The following JAZF1 variants were observed in gnomAD, a reference collection of about 807,000 sequenced individuals.
JAZF1 encodes the protein juxtaposed with another zinc finger protein 1.
Under a neutral mutation model 26.4 loss-of-function variants are expected in JAZF1, and 8 were observed. That is an observed-to-expected ratio of 0.30 (90% CI 0.18 to 0.55). JAZF1 has a LOEUF of 0.55. JAZF1 is among the 20% of genes least tolerant of loss of function. The pLI is 0.94. For synonymous variants in JAZF1, 126 were observed against 122.3 expected, an observed-to-expected ratio of 1.03 and a Z score of -0.20; for missense variants, 199 against 322.0, an observed-to-expected ratio of 0.62 and a Z score of 2.92.
intron 2 of JAZF1, among the ~76,000 whole-genome samples, chr7:27,979,816 G>A (rs1222701708): frequency 6.6e-6 from 1 of 152,054 alleles, no homozygotes; most frequent in Non-Finnish European, 1.5e-5. Flanking sequence ...ATCGATTGGA[G>A]ATGCTAAGGT....
chr7:27,891,896 A>G (rs1783981646), intron 3 of JAZF1, among the ~76,000 whole-genome samples: 2 of 152,234 alleles, frequency 1.3e-5, no homozygotes, highest in Admixed American at 1.3e-4. Flanking sequence ...ATACCTAAGA[A>G]ATACTCGAAA....
chr7:27,941,941 G>A (rs1457144622), intron 2 of JAZF1, among the ~76,000 whole-genome samples: 1 of 152,166 alleles, frequency 6.6e-6, no homozygotes, highest in Non-Finnish European at 1.5e-5. Flanking sequence ...CAGTTTTTCC[G>A]GGAATCTGGA....
chr7:28,046,713 A>G (rs937517030), intron 1 of JAZF1, among the ~76,000 whole-genome samples: 4 of 152,166 alleles, frequency 2.6e-5, no homozygotes, highest in Non-Finnish European at 2.9e-5. Context: ...TGATTTCAAT[A>G]TTTGTTTTCC....
chr7:27,904,005 A>G (rs1267047251), intron 2 of JAZF1, among the ~76,000 whole-genome samples: 2 of 152,210 alleles, frequency 1.3e-5, no homozygotes, highest in African/African-American at 4.8e-5. Flanking sequence ...AAATCTGGTA[A>G]TTCATTGCTC....
At chr7:27,899,678 T>C (rs1259716704) in intron 2 of JAZF1, among the ~76,000 whole-genome samples, 1 of 152,030 alleles carries the variant, frequency 6.6e-6, no homozygotes, top group Non-Finnish European at 1.5e-5. Context: ...CAAGCAATCC[T>C]CCCACCCAAA....
chr7:27,961,622 G>T (rs1785185983), intron 2 of JAZF1, among the ~76,000 whole-genome samples: 1 of 152,180 alleles, frequency 6.6e-6, no homozygotes, highest in African/African-American at 2.4e-5. Flanking sequence ...GAGGTGGCAG[G>T]AAAGAAGGAA....
At chr7:27,954,988 C>A (rs1393040678) in intron 2 of JAZF1, among the ~76,000 whole-genome samples, 1 of 152,140 alleles carries the variant, frequency 6.6e-6, no homozygotes. Flanking sequence ...GTACTCCCGA[C>A]CTCAGGCGAT....
intron 1 of JAZF1, among the ~76,000 whole-genome samples, chr7:27,996,367 G>A (rs1279345373): frequency 1.3e-5 from 2 of 152,286 alleles, no homozygotes; most frequent in Admixed American, 6.5e-5. Context: ...GTTCAAATTC[G>A]ATATCCTCCA....
At chr7:28,012,242 G>A (rs781354483) in intron 1 of JAZF1, among the ~76,000 whole-genome samples, 1 of 152,066 alleles carries the variant, frequency 6.6e-6, no homozygotes, top group Non-Finnish European at 1.5e-5. Flanking sequence ...TCTTCATTCT[G>A]AACCATCAAC....
chr7:27,908,266 T>C (rs1488660054), intron 2 of JAZF1, among the ~76,000 whole-genome samples: 1 of 152,054 alleles, frequency 6.6e-6, no homozygotes, highest in Non-Finnish European at 1.5e-5. Flanking sequence ...CAAATTAGCA[T>C]TGTTGAAAGA....
Position 27,838,081 on chromosome 7 carries a change from T to G in JAZF1, c.555+2617A>C, listed in dbSNP as rs139383099. ...ACTCAAAGCCCTTTTCCTTTGTTAC[T>G]TCTCTAAAAATGTACTTAACTGTTC... is the stretch of plus-strand genomic sequence containing the variant. On this transcript the variant is annotated intron_variant, in intron 4 of 4. Transcript: ENST00000283928. Among the ~76,000 whole-genome samples the G allele has an allele frequency of 3.9e-3, 596 of 152,092 alleles. 3 individuals carry two copies. Among genetic ancestry groups the G allele is most frequent in the African/African-American group, 0.013 (536 of 41,470 alleles).
intron 2 of JAZF1, among the ~76,000 whole-genome samples, chr7:27,967,695 T>C (rs1785302230): frequency 6.6e-6 from 1 of 152,228 alleles, no homozygotes. Context: ...GCTATTTCTT[T>C]CCATTTTTGT....
chr7:27,984,120 T>C (rs1427386628), intron 2 of JAZF1, among the ~76,000 whole-genome samples: 1 of 152,186 alleles, frequency 6.6e-6, no homozygotes, highest in Non-Finnish European at 1.5e-5. Context: ...TAAATGTAAA[T>C]GGGCTAAATG....
chr7:28,066,255 A>G (rs1200482800), intron 1 of JAZF1, among the ~76,000 whole-genome samples: 2 of 152,146 alleles, frequency 1.3e-5, no homozygotes, highest in African/African-American at 4.8e-5. Flanking sequence ...TTGTTAAAAG[A>G]ACACTGGAAA....
intron 1 of JAZF1, among the ~76,000 whole-genome samples, chr7:28,068,434 T>C (rs1424391282): frequency 2.6e-5 from 4 of 152,182 alleles, no homozygotes; most frequent in Non-Finnish European, 5.9e-5. Flanking sequence ...TCGTATCAAT[T>C]ATACCATTCA....
At chr7:27,846,075 A>G (rs1347383182) in intron 3 of JAZF1, among the ~76,000 whole-genome samples, 2 of 152,080 alleles carry the variant, frequency 1.3e-5, no homozygotes, top group Admixed American at 6.5e-5. Context: ...AGCTTTGTTC[A>G]TCCTACGTAC....
At chr7:28,007,808 G>A (rs1029733477) in intron 1 of JAZF1, among the ~76,000 whole-genome samples, 1 of 152,150 alleles carries the variant, frequency 6.6e-6, no homozygotes, top group Non-Finnish European at 1.5e-5. Flanking sequence ...GCAAAATGGA[G>A]AGGAAGGTAC....
Position 27,991,936 on chromosome 7 carries a change from G to A in JAZF1, c.161C>T (p.Thr54Ile), listed in dbSNP as rs759648704. 1.2e-6 allele frequency: 2 copies of A among 1,605,482 alleles called. No homozygotes were observed. Among genetic ancestry groups the A allele is most frequent in the Non-Finnish European group, 1.7e-6 (2 of 1,173,280 alleles). ...ATTTATGTAACTCAGGGCAACATAGGTTGGCTGCTGTAATTCTTGTTTTTC... is the reference window on the plus strand; with the variant it reads ...ATTTATGTAACTCAGGGCAACATAGATTGGCTGCTGTAATTCTTGTTTTTC... Reference protein sequence around the residue: ...VLEKQELQQPTYVALSYINRF... With the variant: ...VLEKQELQQPIYVALSYINRF... The change falls in exon 2 of 5, where the codon ACC becomes ATC. Residue 54 changes from threonine (T) to isoleucine (I), a missense_variant. Transcript: ENST00000283928.
chr7:27,918,123 C>T (rs142760876), intron 2 of JAZF1, among the ~76,000 whole-genome samples: 14 of 152,136 alleles, frequency 9.2e-5, no homozygotes, highest in African/African-American at 2.4e-4. Flanking sequence ...ATGGTGGACA[C>T]GCAGAGTAAG....
Sources: gnomAD v4.1 joint callset for allele counts (sites outside exome capture counted in the v4.1 genomes callset) on GRCh38, gnomAD v4.1.1 for gene constraint, MANE v1.5 for transcripts, NCBI Gene and HGNC (gene_info 2026-07-23, HGNC 2026-07-21) for gene names.